The following GATM variants were observed in gnomAD, a reference collection of about 807,000 sequenced individuals.
The protein encoded by GATM is glycine amidinotransferase.
Under a neutral mutation model 54.2 loss-of-function variants are expected in GATM, and 23 were observed. That is an observed-to-expected ratio of 0.42 (90% confidence interval 0.31 to 0.60). The LOEUF is 0.60. GATM is among the 20% of genes least tolerant of loss of function. GATM has a pLI of 0.14. For missense variants in GATM, 401 were observed against 544.9 expected (o/e 0.74, Z 2.63); for synonymous variants, 168 against 183.1 (o/e 0.92, Z 0.67).
At chr15:45,388,637 C>T (rs747921277) in intron 3 of GATM, among the ~76,000 whole-genome samples, 2 of 152,094 alleles carry the variant, frequency 1.3e-5, no homozygotes, top group Non-Finnish European at 2.9e-5. Flanking sequence ...ATGCTTTGAA[C>T]TGGGTTTATG....
At chr15:45,391,436 T>C (rs960420040) in intron 3 of GATM, among the ~76,000 whole-genome samples, 1 of 152,178 alleles carries the variant, frequency 6.6e-6, no homozygotes, top group Non-Finnish European at 1.5e-5. Flanking sequence ...ACAAAAACAA[T>C]GCTCATCTCT....
At chr15:45,367,724 G>C (rs1313881431) in intron 4 of GATM, among the ~76,000 whole-genome samples, 2 of 152,134 alleles carry the variant, frequency 1.3e-5, no homozygotes, top group Admixed American at 6.6e-5. Context: ...TTCCACTAAT[G>C]AACAGTGGTA....
intron 3 of GATM, among the ~76,000 whole-genome samples, chr15:45,394,750 A>T (rs998015693): frequency 6.6e-6 from 1 of 152,244 alleles, no homozygotes; most frequent in Non-Finnish European, 1.5e-5. Flanking sequence ...ATTTCAATGG[A>T]CAAATGAAAC....
chr15:45,367,067 G>T (rs1391553917), intron 4 of GATM, among the ~76,000 whole-genome samples: 1 of 152,186 alleles, frequency 6.6e-6, no homozygotes, highest in Non-Finnish European at 1.5e-5. Flanking sequence ...CACACCAGGT[G>T]AGATGGCTCA....
At chr15:45,374,273 A>G (rs1382410700) in intron 2 of GATM, among the ~76,000 whole-genome samples, 1 of 152,216 alleles carries the variant, frequency 6.6e-6, no homozygotes, top group Admixed American at 6.5e-5. Context: ...AGTCCATGAA[A>G]TGACAAAGTC....
intron 3 of GATM, among the ~76,000 whole-genome samples, chr15:45,394,503 A>T (rs538156734): frequency 3.3e-5 from 5 of 152,294 alleles, no homozygotes; most frequent in Admixed American, 2.0e-4. Flanking sequence ...GTTGAGGAAA[A>T]CCAGAGGAAG....
intron 3 of GATM, among the ~76,000 whole-genome samples, chr15:45,391,870 G>T (rs1476901774): frequency 6.6e-6 from 1 of 152,126 alleles, no homozygotes; most frequent in Non-Finnish European, 1.5e-5. Flanking sequence ...AAAATAAAAG[G>T]ATACAAAAGA....
intron 1 of GATM, among the ~76,000 whole-genome samples, chr15:45,400,601 G>A (rs1210684282): frequency 6.6e-6 from 1 of 152,202 alleles, no homozygotes; most frequent in Admixed American, 6.5e-5. Context: ...GCAACATGTA[G>A]TTTCCTTCTC....
chr15:45,369,504 C>T lies in GATM; in HGVS notation c.306G>A (p.Lys102=). The part of the protein sequence containing the change: ...TIEVKANTYE[K]YWPFYQKQGG... ...CTTGCTTCTGGTAAAATGGCCAGTA[C>T]TTTTCATATGTGTTGGCCTGGAAGT... The change falls in exon 3 of 9, where the codon AAG becomes AAA. Residue 102 remains lysine, a synonymous_variant. Coordinates refer to ENST00000396659, the MANE Select transcript of GATM (RefSeq NM_001482.3). 1 of 1,614,056 alleles carries T rather than the reference C, an allele frequency of 6.2e-7. No homozygotes were observed. Among genetic ancestry groups the T allele is most frequent in the African/African-American group, 1.3e-5 (1 of 75,040 alleles).
chr15:45,374,773 T>C (rs1889600609), intron 2 of GATM, among the ~76,000 whole-genome samples: 1 of 152,236 alleles, frequency 6.6e-6, no homozygotes, highest in African/African-American at 2.4e-5. Context: ...AGATCTTTTA[T>C]ATTAATACCT....
chr15:45,371,003 G>C (rs1302992751), intron 2 of GATM, among the ~76,000 whole-genome samples: 1 of 152,172 alleles, frequency 6.6e-6, no homozygotes, highest in Non-Finnish European at 1.5e-5. Context: ...TCAATCTCCT[G>C]ACCTCGTGAT....
chr15:45,380,348 T>C (rs1889724925), upstream of GATM: 1 of 152,010 alleles, frequency 6.6e-6, no homozygotes, highest in African/African-American at 2.4e-5. Context: ...TAAGTCTAGG[T>C]TCATAACTTA....
chr15:45,399,110 G>A (rs934009631), intron 2 of GATM, among the ~76,000 whole-genome samples: 6 of 152,126 alleles, frequency 3.9e-5, no homozygotes, highest in African/African-American at 1.2e-4. Context: ...ATTTTGTTTG[G>A]CAAAGCTATT....
intron 3 of GATM, among the ~76,000 whole-genome samples, chr15:45,394,002 T>C (rs1369175481): frequency 1.3e-5 from 2 of 152,126 alleles, no homozygotes; most frequent in Non-Finnish European, 1.5e-5. Flanking sequence ...TGGAAGAAGG[T>C]AGAATGAAAG....
At chr15:45,386,460 C>T (rs1450368462) in intron 3 of GATM, among the ~76,000 whole-genome samples, 2 of 152,148 alleles carry the variant, frequency 1.3e-5, no homozygotes, top group African/African-American at 4.8e-5. Flanking sequence ...AGATATTTTC[C>T]CTTGCAGCTC....
At chr15:45,379,343 A>G (rs544706319), upstream of GATM, 1 of 152,346 alleles carries the variant, frequency 6.6e-6, no homozygotes, top group East Asian at 1.9e-4. Context: ...TTATGCTCCT[A>G]GCAGGAGGGG....
intron 3 of GATM, among the ~76,000 whole-genome samples, chr15:45,385,043 T>TCAGACAGTGCGTATC (rs1330358708): frequency 1.3e-5 from 2 of 152,184 alleles, no homozygotes; most frequent in Non-Finnish European, 2.9e-5. Flanking sequence ...GTTGTGCTAG[T>TCAGACAGTGCGTATC]CAGACAGTGC....
chr15:45,384,301 G>A (rs994611885), intron 3 of GATM, among the ~76,000 whole-genome samples: 13 of 152,276 alleles, frequency 8.5e-5, no homozygotes, highest in African/African-American at 2.6e-4. Context: ...GTCCTTCTTA[G>A]GATAATGCTA....
intron 3 of GATM, chr15:45,396,149 G>A (rs1889927724): frequency 6.6e-6 from 1 of 152,192 alleles, no homozygotes; most frequent in African/African-American, 2.4e-5. Context: ...AGCGATCGAG[G>A]AAAGTTGATA....
Sources: allele counts gnomAD v4.1 joint callset (sites outside exome capture counted in the v4.1 genomes callset), GRCh38; gene constraint gnomAD v4.1.1; transcripts MANE v1.5; gene names NCBI Gene and HGNC (gene_info 2026-07-23, HGNC 2026-07-21).